Variants in IGF2R observed in about 807,000 individuals in gnomAD.
IGF2R encodes cation-independent mannose-6-phosphate receptor.
In IGF2R, 91 loss-of-function variants were observed where a neutral mutation model predicts 270.6. The ratio of observed to expected loss-of-function variants is 0.34; its 90% CI spans 0.28 to 0.40. The LOEUF is 0.40. IGF2R is among the 10% of genes least tolerant of loss of function. The pLI is 1.00. For missense variants in IGF2R, 2,805 were observed against 3,188.3 expected, an observed-to-expected ratio of 0.88 and a Z score of 2.90; for synonymous variants, 1,316 against 1,258.9, an observed-to-expected ratio of 1.05 and a Z score of -0.96.
intron 4 of IGF2R, among the ~76,000 whole-genome samples, chr6:160,016,990 T>G (rs185779335): frequency 2.0e-5 from 3 of 152,218 alleles, no homozygotes; most frequent in African/African-American, 7.2e-5. Flanking sequence ...TGAAGGATCA[T>G]ATTAATCTTC....
Position 160,058,929 on chromosome 6 carries a change from T to G in IGF2R, c.2922T>G (p.Pro974=). ...IFMFNVCGTM[P]VCGTILGKPA... ...AGTTTAATGTCTGCGGCACAATGCC[T>G]GTCTGTGGGACCATCCTGGGAAAAC... Residue 974 remains proline, a synonymous_variant, in exon 22 of 48, where the codon CCT becomes CCG. Transcript: ENST00000356956. The G allele has an allele frequency of 6.2e-7, 1 of 1,614,216 alleles. No homozygotes were observed. Among genetic ancestry groups the G allele is most frequent in the Non-Finnish European group, 8.5e-7 (1 of 1,180,016 alleles).
At chr6:160,000,517 C>G (rs1784111113) in intron 2 of IGF2R, among the ~76,000 whole-genome samples, 1 of 151,916 alleles carries the variant, frequency 6.6e-6, no homozygotes, top group Non-Finnish European at 1.5e-5. Context: ...ATTTGGGTGG[C>G]GAGACAGAGC....
chr6:160,047,947 G>C, intron 17 of IGF2R, 40 bp downstream of exon 17: 1 of 1,279,980 alleles, frequency 7.8e-7, no homozygotes. Flanking sequence ...GCCTGGTACA[G>C]ATGCTGAGGT....
Position 160,102,706 on chromosome 6 carries a change from A to G in IGF2R, c.6995+35A>G, listed in dbSNP as rs747048138. On this transcript the variant is annotated intron_variant, in intron 46 of 47. Coordinates refer to ENST00000356956, the MANE Select transcript of IGF2R (RefSeq NM_000876.4). The surrounding 1 kb of genome is among the most constrained non-coding windows in gnomAD (Gnocchi z 4.5). ...TGGCAGGGCGAGGTGGGGCGGGTGG[A>G]TGCATGCCTCCCATAGCTAATCTTG... The G allele has an allele frequency of 6.4e-7, 1 of 1,555,012 alleles. No individual in the cohort carries two copies. The highest frequency in any genetic ancestry group is 8.7e-7 in the Non-Finnish European group (1 of 1,143,950).
intron 45 of IGF2R, among the ~76,000 whole-genome samples, chr6:160,101,627 T>C (rs2114743098): frequency 6.6e-6 from 1 of 152,354 alleles, no homozygotes; most frequent in East Asian, 1.9e-4. Context: ...GGTTGCCTCT[T>C]ATCACCAGCA....
Position 160,038,189 on chromosome 6 carries a change from G to A in IGF2R, c.1316-2371G>A, listed in dbSNP as rs138068380. On this transcript the variant is annotated intron_variant, in intron 10 of 47. Transcript: ENST00000356956. ...TGTGCTGGAGAATAAACTAGAGCCT[G>A]TGGTGCCAGACTGGCAACTTGGGGA... Among the ~76,000 whole-genome samples the A allele has an allele frequency of 4.0e-3, 614 of 152,308 alleles. 4 individuals carry two copies. The highest frequency in any genetic ancestry group is 0.014 in the African/African-American group (573 of 41,562).
In IGF2R at chr6:160,102,397, A is replaced by G. The variant is rs916973976; in HGVS notation, c.6843-122A>G. The G allele has an allele frequency of 9.2e-7, 1 of 1,089,304 alleles. No homozygotes were observed. 67.5% of individuals were successfully genotyped at this position (1,089,304 alleles called of 1,614,324 possible). The stretch of plus-strand genomic sequence containing the variant: ...GTGGCCTTGTTTTCTGGGCAGGAGT[A>G]AGAATCACATGGTGTTGGGAAAGTC... On this transcript the variant is annotated intron_variant, in intron 45 of 47. Transcript: ENST00000356956. The surrounding 1 kb of genome is among the most constrained non-coding windows in gnomAD (Gnocchi z 4.5).
At chr6:160,059,433 G>T (rs902009913) in intron 22 of IGF2R, among the ~76,000 whole-genome samples, 10 of 152,176 alleles carry the variant, frequency 6.6e-5, no homozygotes, top group African/African-American at 2.4e-4. Flanking sequence ...GCTGTGCCTA[G>T]CTTACAAATT....
intron 33 of IGF2R, 139 bp downstream of exon 33, chr6:160,073,023 C>A: frequency 2.2e-6 from 3 of 1,376,926 alleles, no homozygotes; most frequent in Non-Finnish European, 3.0e-6. Flanking sequence ...GCAGTCACCC[C>A]ATGTGGGGGA....
chr6:160,061,114 C>G lies in IGF2R; in HGVS notation c.3263-389C>G, dbSNP rs565337450. On this transcript the variant is annotated intron_variant, in intron 23 of 47. Coordinates refer to ENST00000356956, the MANE Select transcript of IGF2R (RefSeq NM_000876.4). ...CAGTGTATACAGGAGACCTTGACCTCTGGGATTGACCCTGCCTGCTCTGCA... is the reference window on the plus strand; with the variant it reads ...CAGTGTATACAGGAGACCTTGACCTGTGGGATTGACCCTGCCTGCTCTGCA... 2.0e-5 allele frequency among the ~76,000 whole-genome samples: 3 copies of G among 152,324 alleles called. No homozygotes were observed. The East Asian group carries it at 5.8e-4, about 29-fold the overall frequency.
rs377188373 is a variant in IGF2R, at chr6:160,058,982, A to C, written c.2975A>C (p.Gln992Pro). 8 of 1,614,116 alleles carry C rather than the reference A, an allele frequency of 5.0e-6. No homozygotes were observed. The highest frequency in any genetic ancestry group is 2.7e-5 in the African/African-American group (2 of 74,938). Residue 992 changes from glutamine to proline, a missense_variant, in exon 22 of 48, where the codon CAA becomes CCA. Gln to Pro is a moderately conservative substitution (Grantham distance 76). This residue lies in a region of IGF2R where 1,851 missense variants were observed against 2,207.2 expected (regional missense o/e 0.84). Transcript: ENST00000356956. ...GCTTCTGGCTGTGAGGCAGAAACCC[A>C]AACTGAAGAGCTCAAGAATTGGAAG... ...KPASGCEAET[Q>P]TEELKNWKPA... is the part of the protein sequence containing the mutation.
chr6:160,063,705 A>C, intron 27 of IGF2R, 75 bp downstream of exon 27: 1 of 1,123,884 alleles, frequency 8.9e-7, no homozygotes, highest in Non-Finnish European at 1.3e-6. Context: ...CTGAAGATGA[A>C]TTTTCCCTTG....
intron 2 of IGF2R, 77 bp downstream of exon 2, chr6:159,991,400 A>G (rs1372383315): frequency 7.8e-6 from 10 of 1,280,120 alleles, no homozygotes; most frequent in Non-Finnish European, 1.0e-5. Flanking sequence ...GTATAGCTAT[A>G]CGTATATAGC....
At chr6:160,042,828 T>G (rs1485559076) in intron 11 of IGF2R, among the ~76,000 whole-genome samples, 1 of 152,216 alleles carries the variant, frequency 6.6e-6, no homozygotes, top group African/African-American at 2.4e-5. Flanking sequence ...GCTTCTTGAT[T>G]TGGGTTTTCA....
At position 160,106,652 on chromosome 6, in the gene IGF2R, T is replaced by C. The variant is rs1232192750; in HGVS notation, c.*1568T>C. ...TCTGTTAAGTGACTGAATTTGGGTT[T>C]TAACTCTGGTGTTCTCGTTGACCCT... is the stretch of plus-strand genomic sequence containing the variant. On this transcript the variant is annotated 3_prime_UTR_variant, in exon 48 of 48. Coordinates refer to ENST00000356956, the MANE Select transcript of IGF2R (RefSeq NM_000876.4). 1 of 152,200 alleles carries C rather than the reference T, an allele frequency of 6.6e-6. No individual in the cohort carries two copies. Among genetic ancestry groups the C allele is most frequent in the African/African-American group, 2.4e-5 (1 of 41,434 alleles). 9.4% of individuals were successfully genotyped at this position (152,200 alleles called of 1,614,324 possible).
At chr6:160,101,916 G>A (rs1779494850) in intron 45 of IGF2R, among the ~76,000 whole-genome samples, 1 of 152,208 alleles carries the variant, frequency 6.6e-6, no homozygotes, top group Non-Finnish European at 1.5e-5. Context: ...CAGCTGGTGT[G>A]CTCAAGAGCC....
chr6:159,991,910 A>G (rs1783985116), intron 2 of IGF2R, among the ~76,000 whole-genome samples: 1 of 152,252 alleles, frequency 6.6e-6, no homozygotes, highest in African/African-American at 2.4e-5. Context: ...TCCTTCTGTG[A>G]AGAATATGAA....
chr6:160,086,516 G>C (rs1256219994), intron 41 of IGF2R, among the ~76,000 whole-genome samples: 1 of 152,208 alleles, frequency 6.6e-6, no homozygotes, highest in Non-Finnish European at 1.5e-5. Context: ...GGGCAGCGTT[G>C]TCATCCGTTT....
chr6:159,971,647 T>A (rs1477775278), intron 1 of IGF2R, among the ~76,000 whole-genome samples: 1 of 152,122 alleles, frequency 6.6e-6, no homozygotes, highest in Non-Finnish European at 1.5e-5. Flanking sequence ...TCCTGTCTGT[T>A]CCTGTTTTAT....
Sources: allele counts gnomAD v4.1 joint callset (sites outside exome capture counted in the v4.1 genomes callset), GRCh38; gene constraint gnomAD v4.1.1; regional missense constraint gnomAD v4.1.1; non-coding constraint Gnocchi (gnomAD v3.1); transcripts MANE v1.5; gene names NCBI Gene and HGNC (gene_info 2026-07-23, HGNC 2026-07-21).